CTNNA1: variants seen among roughly 807,000 people sequenced by gnomAD.
CTNNA1 encodes the protein catenin alpha 1, also known as catenin alpha-1.
A neutral mutation model predicts 98.4 loss-of-function variants in CTNNA1; 37 were observed. The ratio of observed to expected loss-of-function variants is 0.38; its 90% CI spans 0.29 to 0.49. The LOEUF (loss-of-function observed/expected upper bound fraction) is 0.49, where lower values mean the gene tolerates loss of function less well. Ranked by LOEUF, CTNNA1 falls within the 20% of genes least tolerant of loss-of-function variation. CTNNA1 has a pLI of 0.95. For missense variants in CTNNA1, 761 were observed against 1,147.2 expected, an observed-to-expected ratio of 0.66 and a Z score of 4.86; for synonymous variants, 404 against 413.2, an observed-to-expected ratio of 0.98 and a Z score of 0.27.
intron 3 of CTNNA1, among the ~76,000 whole-genome samples, chr5:138,789,391 A>G (rs922309007): frequency 2.0e-5 from 3 of 152,150 alleles, no homozygotes; most frequent in Non-Finnish European, 4.4e-5. Context: ...TGGGCATGAG[A>G]AACAGTGAGG....
At chr5:138,836,532 G>A (rs960759277) in intron 7 of CTNNA1, among the ~76,000 whole-genome samples, 1 of 152,200 alleles carries the variant, frequency 6.6e-6, no homozygotes, top group Non-Finnish European at 1.5e-5. Context: ...CTGGCATTGC[G>A]CATTGCAGTA....
intron 9 of CTNNA1, among the ~76,000 whole-genome samples, chr5:138,893,954 G>A (rs889402184): frequency 1.3e-5 from 2 of 151,964 alleles, no homozygotes; most frequent in Admixed American, 6.6e-5. Context: ...GTCTTGTTCT[G>A]TCACTTAGGC....
chr5:138,894,872 T>C (rs867079230), intron 9 of CTNNA1, among the ~76,000 whole-genome samples: 10 of 152,252 alleles, frequency 6.6e-5, no homozygotes, highest in South Asian at 2.1e-4. Context: ...TCTTTGACCA[T>C]ACCTAAACAT....
chr5:138,840,705 A>G (rs1188912182), intron 7 of CTNNA1, among the ~76,000 whole-genome samples: 1 of 151,182 alleles, frequency 6.6e-6, no homozygotes, highest in Non-Finnish European at 1.5e-5. Context: ...ATAACTTTCT[A>G]CCCTAATAGT....
chr5:138,889,067 A>G (rs148354631), intron 9 of CTNNA1, among the ~76,000 whole-genome samples: 7 of 152,350 alleles, frequency 4.6e-5, no homozygotes, highest in East Asian at 1.9e-4. Flanking sequence ...CTTGTTCACA[A>G]TAGTCACATG....
chr5:138,910,542 C>G (rs28548503), intron 10 of CTNNA1, among the ~76,000 whole-genome samples: 1 of 151,800 alleles, frequency 6.6e-6, no homozygotes, highest in Non-Finnish European at 1.5e-5. Flanking sequence ...AGCTTTAACT[C>G]ATTGCCTTGA....
chr5:138,790,055 T>C (rs985751195), intron 3 of CTNNA1, among the ~76,000 whole-genome samples: 1 of 152,192 alleles, frequency 6.6e-6, no homozygotes, highest in African/African-American at 2.4e-5. Flanking sequence ...GTTAGCTGTG[T>C]GCAGGAAGGG....
At chr5:138,764,435 A>C (rs1446820469) in intron 1 of CTNNA1, among the ~76,000 whole-genome samples, 1 of 151,880 alleles carries the variant, frequency 6.6e-6, no homozygotes. Context: ...ATCCCTTGGG[A>C]GGGAAAAAAA....
chr5:138,839,633 G>A (rs562453739), intron 7 of CTNNA1, among the ~76,000 whole-genome samples: 7 of 152,174 alleles, frequency 4.6e-5, no homozygotes, highest in Non-Finnish European at 1.0e-4. Context: ...AGATAAGAGT[G>A]TTGCAGTCTC....
At chr5:138,754,034 G>C (rs919638650) in intron 1 of CTNNA1, 3 of 152,320 alleles carry the variant, frequency 2.0e-5, no homozygotes, top group African/African-American at 7.2e-5. Flanking sequence ...ATGGGGCGGC[G>C]GGGACGCGGG....
chr5:138,819,175 G>A (rs930879645), intron 5 of CTNNA1, among the ~76,000 whole-genome samples: 2 of 152,138 alleles, frequency 1.3e-5, no homozygotes, highest in Non-Finnish European at 2.9e-5. Context: ...TTGGAGCCTA[G>A]AGGATGAGGC....
intron 1 of CTNNA1, among the ~76,000 whole-genome samples, chr5:138,764,249 C>G (rs779967293): frequency 6.6e-6 from 1 of 151,724 alleles, no homozygotes; most frequent in East Asian, 2.0e-4. Context: ...GCCTGTAATC[C>G]CAGTTACTCG....
chr5:138,873,963 C>T lies in CTNNA1; in HGVS notation c.1063-12249C>T. The T allele has an allele frequency of 1.2e-6, 2 of 1,614,016 alleles. No individual in the cohort carries two copies. Among genetic ancestry groups the T allele is most frequent in the Non-Finnish European group, 1.7e-6 (2 of 1,179,900 alleles). On this transcript the variant is annotated intron_variant, in intron 7 of 17. Transcript: ENST00000302763. The surrounding 1 kb of genome is among the most constrained non-coding windows in gnomAD (Gnocchi z 6.1). ...CTCAGTTTAATTAATCCTGCAAATC[C>T]ATTGCGAGCCAAACTTCGCAAACGA...
Position 138,780,645 on chromosome 5 carries a change from G to C in CTNNA1, c.-2-1278G>C, listed in dbSNP as rs987289842. Among the ~76,000 whole-genome samples the C allele has an allele frequency of 5.9e-5, 9 of 152,066 alleles. No individual in the cohort carries two copies. The East Asian group carries it at 7.7e-4, about 13-fold the overall frequency. ...CGATTCTTCTGCCTCAGCCTCCCGA[G>C]TAGCTGGGATTACAGGCGTGCACCA... On this transcript the variant is annotated intron_variant, in intron 1 of 17. Transcript: ENST00000302763.
rs964887428 is a variant in CTNNA1 at position 138,810,348 on chromosome 5, C to T, written c.468+144C>T. 7 of 812,890 alleles carry T rather than the reference C, an allele frequency of 8.6e-6. No individual in the cohort carries two copies. The Admixed American group carries it at 1.1e-4, about 12-fold the overall frequency. 50.4% of individuals were successfully genotyped at this position (812,890 alleles called of 1,614,324 possible). On this transcript the variant is annotated intron_variant, in intron 4 of 17. Coordinates refer to ENST00000302763, the MANE Select transcript of CTNNA1 (RefSeq NM_001903.5). ...ACCAGAGATGTTTTTGTTTAATTTC[C>T]ACTTACTCCTCTATTCCAAGTATAT...
chr5:138,782,243 G>C (rs28363384), intron 2 of CTNNA1: 2 of 629,200 alleles, frequency 3.2e-6, no homozygotes, highest in East Asian at 3.1e-5. Context: ...TGCTAGTAAC[G>C]GGTCCATGGT....
intron 1 of CTNNA1, among the ~76,000 whole-genome samples, chr5:138,770,908 C>A (rs1437842411): frequency 2.7e-5 from 4 of 150,696 alleles, no homozygotes; most frequent in Non-Finnish European, 5.9e-5. Flanking sequence ...GCCGAGATTG[C>A]GCCACTGCAC....
intron 1 of CTNNA1, chr5:138,761,943 A>G (rs927850457): frequency 6.6e-6 from 1 of 152,172 alleles, no homozygotes; most frequent in Non-Finnish European, 1.5e-5. Context: ...TTCTGTAGAG[A>G]CAGAGTTTCA....
At chr5:138,832,988 A>G (rs562018494) in intron 7 of CTNNA1, among the ~76,000 whole-genome samples, 8 of 152,140 alleles carry the variant, frequency 5.3e-5, no homozygotes, top group Non-Finnish European at 8.8e-5. Flanking sequence ...CTGACTGTTA[A>G]TATGTTCCTT....
Sources: allele counts gnomAD v4.1 joint callset (sites outside exome capture counted in the v4.1 genomes callset), GRCh38; gene constraint gnomAD v4.1.1; non-coding constraint Gnocchi (gnomAD v3.1); transcripts MANE v1.5; gene names NCBI Gene and HGNC (gene_info 2026-07-23, HGNC 2026-07-21).